CARM1: variants seen among roughly 807,000 people sequenced by gnomAD.
The protein encoded by CARM1 is coactivator associated arginine methyltransferase 1.
Under a neutral mutation model 72.7 loss-of-function variants are expected in CARM1, and 14 were observed. That is an observed-to-expected ratio of 0.19 (90% confidence interval 0.13 to 0.30). The LOEUF is 0.30. CARM1 is among the 10% of genes least tolerant of loss of function. CARM1 has a pLI of 1.00. For synonymous variants in CARM1, 333 were observed against 345.5 expected, an observed-to-expected ratio of 0.96 and a Z score of 0.40; for missense variants, 432 against 833.7, an observed-to-expected ratio of 0.52 and a Z score of 5.93.
chr19:10,902,318 G>C (rs1335416932), intron 1 of CARM1, among the ~76,000 whole-genome samples: 1 of 142,674 alleles, frequency 7.0e-6, no homozygotes, highest in Admixed American at 7.1e-5. Flanking sequence ...TTTTGAGACG[G>C]AGTCTTACTC....
rs559893092 is a variant in CARM1, at chr19:10,919,827, C to A, written c.1107-50C>A. 14 of 1,536,926 alleles carry A rather than the reference C, an allele frequency of 9.1e-6. No homozygotes were observed. In the African/African-American group the frequency reaches 1.9e-4, roughly 21 times the overall value. ...GCACCTGGCACCCCCTCTTCTCTCTCGGCAGCGCCTGTCTGGCTTCCCCAG... is the reference window on the plus strand; with the variant it reads ...GCACCTGGCACCCCCTCTTCTCTCTAGGCAGCGCCTGTCTGGCTTCCCCAG... On this transcript the variant is annotated intron_variant, in intron 9 of 15. Transcript: ENST00000327064.
intron 1 of CARM1, among the ~76,000 whole-genome samples, chr19:10,899,277 G>A (rs1397656898): frequency 1.3e-5 from 2 of 152,212 alleles, no homozygotes; most frequent in East Asian, 3.9e-4. Context: ...TGCCTGCCTG[G>A]CGCCAGGTCA....
chr19:10,875,323 T>C (rs1242676311), intron 1 of CARM1, among the ~76,000 whole-genome samples: 1 of 151,950 alleles, frequency 6.6e-6, no homozygotes, highest in African/African-American at 2.4e-5. Flanking sequence ...TCTTGTGTCC[T>C]CTTTTTTCCT....
intron 3 of CARM1, 90 bp downstream of exon 3, chr19:10,908,235 C>T (rs995287146): frequency 1.2e-6 from 1 of 832,086 alleles, no homozygotes; most frequent in African/African-American, 1.7e-5. Flanking sequence ...CAGGGAAGGC[C>T]CACCCAAGTT....
Position 10,920,099 on chromosome 19 carries a change from G to C in CARM1, c.1196+133G>C. 1 of 726,804 alleles carries C rather than the reference G, an allele frequency of 1.4e-6. No homozygotes were observed. Among genetic ancestry groups the C allele is most frequent in the East Asian group, 2.7e-5 (1 of 37,516 alleles). 45.0% of individuals were successfully genotyped at this position (726,804 alleles called of 1,614,324 possible). A position where few individuals can be genotyped will look rare whatever the true frequency, so the allele number is the denominator to read the frequency against. On this transcript the variant is annotated intron_variant, in intron 10 of 15. Transcript: ENST00000327064. The surrounding 1 kb of genome is among the most constrained non-coding windows in gnomAD (Gnocchi z 5.3). The stretch of plus-strand genomic sequence containing the variant: ...TCCAATGGGAGTGAGAGCCTGTCTC[G>C]GAGCAAGAGACTGTTGTGGGTGGGG...
intron 1 of CARM1, among the ~76,000 whole-genome samples, chr19:10,876,609 C>T (rs1296686660): frequency 3.3e-5 from 5 of 152,266 alleles, no homozygotes; most frequent in Admixed American, 1.3e-4. Flanking sequence ...TGAACAGTTA[C>T]TTCTTGCCAT....
intron 2 of CARM1, among the ~76,000 whole-genome samples, chr19:10,907,767 T>C (rs1452657709): frequency 6.6e-6 from 1 of 152,226 alleles, no homozygotes; most frequent in Admixed American, 6.5e-5. Flanking sequence ...AGCTGCCCTT[T>C]GGTGAGGAAT....
intron 1 of CARM1, among the ~76,000 whole-genome samples, chr19:10,876,296 G>T (rs1490005523): frequency 1.3e-5 from 2 of 152,222 alleles, no homozygotes; most frequent in Non-Finnish European, 2.9e-5. Flanking sequence ...AAAGTGCTAG[G>T]ATTACAGACG....
intron 1 of CARM1, among the ~76,000 whole-genome samples, chr19:10,894,717 T>G (rs983744569): frequency 2.3e-5 from 2 of 87,080 alleles, no homozygotes; most frequent in Non-Finnish European, 6.3e-5. Context: ...CCTCCTTGTG[T>G]TTTTTTTTTT....
Position 10,909,099 on chromosome 19 carries a change from C to T in CARM1, c.454-4C>T, listed in dbSNP as rs1435040590. 6.2e-7 allele frequency: 1 copy of T among 1,610,824 alleles called. No individual in the cohort carries two copies. The highest frequency in any genetic ancestry group is 8.5e-7 in the Non-Finnish European group (1 of 1,177,346). On this transcript the variant is annotated splice_polypyrimidine_tract_variant and splice_region_variant and intron_variant, in intron 3 of 15. Coordinates refer to ENST00000327064, the MANE Select transcript of CARM1 (RefSeq NM_199141.2). ...CCCGTGCCATCGGTATGTCTCTGTT[C>T]CAGTTTTATGGCTACCTGTCCCAGC...
intron 2 of CARM1, 124 bp downstream of exon 2, chr19:10,905,200 A>G: frequency 8.5e-7 from 1 of 1,179,492 alleles, no homozygotes; most frequent in Non-Finnish European, 1.2e-6. Flanking sequence ...ACTGCCCTCA[A>G]AACCACATTC....
chr19:10,880,651 G>T (rs577313273), intron 1 of CARM1, among the ~76,000 whole-genome samples: 2 of 152,118 alleles, frequency 1.3e-5, no homozygotes, highest in South Asian at 4.1e-4. Flanking sequence ...TGGCAGCCAC[G>T]GCTCCAGAGC....
intron 5 of CARM1, among the ~76,000 whole-genome samples, chr19:10,913,626 T>C (rs1019291748): frequency 2.6e-5 from 4 of 151,958 alleles, no homozygotes; most frequent in African/African-American, 4.8e-5. Flanking sequence ...TCCCAACTTA[T>C]GAGGTCAAGC....
At chr19:10,876,705 C>T (rs949409030) in intron 1 of CARM1, among the ~76,000 whole-genome samples, 2 of 152,242 alleles carry the variant, frequency 1.3e-5, no homozygotes, top group Non-Finnish European at 2.9e-5. Flanking sequence ...GAGGGGGAGG[C>T]CCTTTGGCGT....
chr19:10,886,397 T>C (rs888312669), intron 1 of CARM1, among the ~76,000 whole-genome samples: 1 of 152,098 alleles, frequency 6.6e-6, no homozygotes, highest in Non-Finnish European at 1.5e-5. Flanking sequence ...GTCTCAACCA[T>C]GTTGCCTAGG....
At chr19:10,885,472 C>T (rs2073934265) in intron 1 of CARM1, among the ~76,000 whole-genome samples, 1 of 152,200 alleles carries the variant, frequency 6.6e-6, no homozygotes, top group Admixed American at 6.5e-5. Context: ...GTATAGAAAA[C>T]CTGCCCAGCG....
At chr19:10,911,329 A>T (rs916399907) in intron 4 of CARM1, among the ~76,000 whole-genome samples, 4 of 152,010 alleles carry the variant, frequency 2.6e-5, no homozygotes, top group African/African-American at 7.3e-5. Context: ...GTCCCAGAGG[A>T]TGGTAGGCCT....
rs1599715541 is a variant in CARM1 at position 10,922,392 on chromosome 19, C to G, written c.*635C>G. On this transcript the variant is annotated 3_prime_UTR_variant, in exon 16 of 16. Transcript: ENST00000327064. ...CTCACACTTGAATGTACAACCCACC[C>G]CACTGTCGGGAAGGCCTCCGTCCTC... 6.5e-6 allele frequency: 1 copy of G among 152,784 alleles called. No individual in the cohort carries two copies. The highest frequency in any genetic ancestry group is 2.1e-4 in the South Asian group (1 of 4,826). The allele number at this position is 152,784 out of a possible 1,614,324, so 9.5% of individuals were successfully genotyped here.
chr19:10,876,216 C>G (rs531065820), intron 1 of CARM1, among the ~76,000 whole-genome samples: 55 of 152,106 alleles, frequency 3.6e-4, no homozygotes, highest in Middle Eastern at 6.8e-3. Flanking sequence ...TCTAGCGATG[C>G]GGTCTCACTA....
Sources: allele counts gnomAD v4.1 joint callset (sites outside exome capture counted in the v4.1 genomes callset), GRCh38; gene constraint gnomAD v4.1.1; non-coding constraint Gnocchi (gnomAD v3.1); transcripts MANE v1.5; gene names NCBI Gene and HGNC (gene_info 2026-07-23, HGNC 2026-07-21).